The following CRTAC1 variants were observed in gnomAD, a reference collection of about 807,000 sequenced individuals.
The protein encoded by CRTAC1 is cartilage acidic protein 1.
In CRTAC1, 37 loss-of-function variants were observed where a neutral mutation model predicts 67.8. That is an observed-to-expected ratio of 0.55 (90% CI 0.42 to 0.72). The LOEUF (loss-of-function observed/expected upper bound fraction) is 0.72. Ranked by LOEUF, CRTAC1 falls within the 30% of genes least tolerant of loss-of-function variation. The pLI is 0.00. For synonymous variants in CRTAC1, 348 were observed against 371.0 expected (o/e 0.94, Z 0.71); for missense variants, 780 against 931.6 (o/e 0.84, Z 2.12).
At position 97,895,808 on chromosome 10, in the gene CRTAC1, G is replaced by T; in HGVS notation, c.1317+77C>A. The T allele has an allele frequency of 8.0e-7, 1 of 1,254,318 alleles. No individual in the cohort carries two copies. Among genetic ancestry groups the T allele is most frequent in the Non-Finnish European group, 1.2e-6 (1 of 869,462 alleles). 77.7% of individuals were successfully genotyped at this position (1,254,318 alleles called of 1,614,324 possible). ...CCATGCTGGCCAAGCCAGCACCCCG[G>T]CACCTTGCCCTCACCAACTCAAGGT... On this transcript the variant is annotated intron_variant, in intron 10 of 14. Transcript: ENST00000370597. This position sits in a 1 kb window ranked among gnomAD's most constrained non-coding sequence, Gnocchi z 4.2.
intron 2 of CRTAC1, among the ~76,000 whole-genome samples, chr10:97,997,265 T>TA (rs936050118): frequency 1.3e-4 from 17 of 130,740 alleles, no homozygotes; most frequent in African/African-American, 4.2e-4. Flanking sequence ...ATAATAATAA[T>TA]AATAAATAAA....
chr10:97,901,580 G>A lies in CRTAC1; in HGVS notation c.1056C>T (p.Asp352=), dbSNP rs1473391190. 6.2e-7 allele frequency: 1 copy of A among 1,614,238 alleles called. No homozygotes were observed. The highest frequency in any genetic ancestry group is 8.5e-7 in the Non-Finnish European group (1 of 1,180,046). Residue 352 remains aspartate, a synonymous_variant, in exon 8 of 15, where the codon GAC becomes GAT. Coordinates refer to ENST00000370597, the MANE Select transcript of CRTAC1 (RefSeq NM_018058.7). ...TCTCCAGCTCCTGGTCATTGTCAAA[G>A]TCGGCGGTGATGACCGTGCGGACAG... The part of the protein sequence containing the change: ...PSPVRTVITA[D]FDNDQELEIF...
At chr10:97,898,639 A>G (rs1399728924) in intron 8 of CRTAC1, among the ~76,000 whole-genome samples, 1 of 152,178 alleles carries the variant, frequency 6.6e-6, no homozygotes, top group Non-Finnish European at 1.5e-5. Context: ...GGGAGCTTCT[A>G]GAAGGTTTTC....
At chr10:98,013,361 C>G (rs1325467881) in intron 1 of CRTAC1, among the ~76,000 whole-genome samples, 43 of 152,306 alleles carry the variant, frequency 2.8e-4, no homozygotes, top group Non-Finnish European at 2.9e-5. Flanking sequence ...TAATATGAGC[C>G]TAAAAGTTCT....
At position 97,968,602 on chromosome 10, in the gene CRTAC1, G is replaced by C. The variant is rs147149036; in HGVS notation, c.225-32236C>G. Among the ~76,000 whole-genome samples, 960 of 152,324 alleles carry C rather than the reference G, an allele frequency of 6.3e-3. 13 individuals are homozygous for C. Among genetic ancestry groups the C allele is most frequent in the African/African-American group, 0.021 (885 of 41,568 alleles). On this transcript the variant is annotated intron_variant, in intron 2 of 14. Coordinates refer to ENST00000370597, the MANE Select transcript of CRTAC1 (RefSeq NM_018058.7). Reference sequence around the variant, plus strand: ...GTCGGGGTAAATGGGGCAGGCCAGAGTCTGAGAAGGAAATAAGGAATTGAC... The same window carrying C: ...GTCGGGGTAAATGGGGCAGGCCAGACTCTGAGAAGGAAATAAGGAATTGAC...
At chr10:97,913,606 C>T (rs1196091954) in intron 5 of CRTAC1, among the ~76,000 whole-genome samples, 1 of 151,170 alleles carries the variant, frequency 6.6e-6, no homozygotes, top group East Asian at 1.9e-4. Context: ...CGCAATGTTC[C>T]CCCCGATACT....
At chr10:98,006,153 A>G (rs1192036419) in intron 2 of CRTAC1, among the ~76,000 whole-genome samples, 4 of 152,216 alleles carry the variant, frequency 2.6e-5, no homozygotes, top group Admixed American at 1.3e-4. Context: ...AAGCTGCTCT[A>G]AAGGAATTGT....
At chr10:97,942,707 C>T (rs904412337) in intron 2 of CRTAC1, among the ~76,000 whole-genome samples, 1 of 151,042 alleles carries the variant, frequency 6.6e-6, no homozygotes, top group African/African-American at 2.4e-5. Context: ...AGAAAATATG[C>T]TATCTGTTTG....
chr10:97,868,984 A>T (rs369201622), intron 14 of CRTAC1: 1 of 152,332 alleles, frequency 6.6e-6, no homozygotes, highest in East Asian at 1.9e-4. Flanking sequence ...CCCATTTTAC[A>T]TATGGGGAAA....
intron 2 of CRTAC1, 51 bp downstream of exon 2, chr10:98,011,087 T>C (rs374227533): frequency 1.3e-6 from 2 of 1,539,494 alleles, no homozygotes; most frequent in East Asian, 2.2e-5. Flanking sequence ...ACAGCCTTAT[T>C]ACAGCAAAAT....
At chr10:97,916,425 G>A (rs571551962) in intron 5 of CRTAC1, among the ~76,000 whole-genome samples, 217 of 152,316 alleles carry the variant, frequency 1.4e-3, no homozygotes, top group Non-Finnish European at 2.6e-3. Flanking sequence ...AACTTTGTAA[G>A]ACAGGTCAAC....
rs1310013677 is a variant in CRTAC1 at position 98,030,423 on chromosome 10, TG to T, written c.24+25del. The stretch of plus-strand genomic sequence containing the variant: ...TGGAGAAACTTTCTCCGCCTTAGGG[TG>T]GGGGGCACCGGTGCAGATACTCACG... On this transcript the variant is annotated intron_variant, in intron 1 of 14. Coordinates refer to ENST00000370597, the MANE Select transcript of CRTAC1 (RefSeq NM_018058.7). The surrounding 1 kb of genome is among the most constrained non-coding windows in gnomAD (Gnocchi z 4.2). 8.1e-7 allele frequency: 1 copy of T among 1,240,802 alleles called. No individual in the cohort carries two copies. Among genetic ancestry groups the T allele is most frequent in the Non-Finnish European group, 1.0e-6 (1 of 981,220 alleles). 76.9% of individuals were successfully genotyped at this position (1,240,802 alleles called of 1,614,324 possible). A position where few individuals can be genotyped will look rare whatever the true frequency, so the allele number is the denominator to read the frequency against.
At position 98,030,429 on chromosome 10, in the gene CRTAC1, G is replaced by A; in HGVS notation, c.24+20C>T. On this transcript the variant is annotated intron_variant, in intron 1 of 14. Coordinates refer to ENST00000370597, the MANE Select transcript of CRTAC1 (RefSeq NM_018058.7). The surrounding 1 kb of genome is among the most constrained non-coding windows in gnomAD (Gnocchi z 4.2). Reference sequence around the variant, plus strand: ...AACTTTCTCCGCCTTAGGGTGGGGGGCACCGGTGCAGATACTCACGCCGGG... The same window carrying A: ...AACTTTCTCCGCCTTAGGGTGGGGGACACCGGTGCAGATACTCACGCCGGG... The A allele has an allele frequency of 1.6e-6, 2 of 1,246,204 alleles. No individual in the cohort carries two copies. The allele number at this position is 1,246,204 out of a possible 1,614,324, so 77.2% of individuals were successfully genotyped here.
rs758678526 is a variant in CRTAC1 at position 97,917,642 on chromosome 10, G to A, written c.573C>T (p.Tyr191=). The change falls in exon 5 of 15, where the codon TAC becomes TAT. Residue 191 remains tyrosine, a synonymous_variant. Coordinates refer to ENST00000370597, the MANE Select transcript of CRTAC1 (RefSeq NM_018058.7). The part of the protein sequence containing the change: ...ACVDRKGSGR[Y]SIYIANYAYG... The stretch of plus-strand genomic sequence containing the variant: ...AGGCGTAATTGGCAATGTAGATAGA[G>A]TAGCGTCCAGAGCCCTGAGGAAGAA... 8.0e-5 allele frequency: 127 copies of A among 1,578,170 alleles called. No individual in the cohort carries two copies. The highest frequency in any genetic ancestry group is 1.1e-4 in the Non-Finnish European group (125 of 1,157,682).
At chr10:97,922,226 A>T (rs1458113511) in intron 4 of CRTAC1, among the ~76,000 whole-genome samples, 2 of 152,296 alleles carry the variant, frequency 1.3e-5, no homozygotes, top group East Asian at 3.9e-4. Flanking sequence ...GGTGGCACAG[A>T]TTCAGGTCAG....
chr10:97,950,617 G>T (rs982901779), intron 2 of CRTAC1, among the ~76,000 whole-genome samples: 1 of 152,226 alleles, frequency 6.6e-6, no homozygotes, highest in Non-Finnish European at 1.5e-5. Flanking sequence ...GAACAGACAG[G>T]ACTTGCCTGG....
At chr10:97,935,030 CA>C (rs2051064494) in intron 3 of CRTAC1, among the ~76,000 whole-genome samples, 1 of 152,144 alleles carries the variant, frequency 6.6e-6, no homozygotes, top group African/African-American at 2.4e-5. Flanking sequence ...GCACAGCCCC[CA>C]AATCATGAGA....
intron 2 of CRTAC1, among the ~76,000 whole-genome samples, chr10:97,991,099 C>CAAAAAAAAAAAAAAAAAAAAAAAAAAA (rs757267901): frequency 5.6e-5 from 1 of 17,980 alleles, no homozygotes; most frequent in Admixed American, 6.1e-4. Context: ...ACCATCTCTA[C>CAAAAAAAAAAAAAAAAAAAAAAAAAAA]AAAAAAAAAA....
chr10:97,892,206 C>A (rs905597210), intron 11 of CRTAC1, among the ~76,000 whole-genome samples: 1 of 152,306 alleles, frequency 6.6e-6, no homozygotes, highest in Middle Eastern at 3.4e-3. Flanking sequence ...ATTCTCCTGG[C>A]AGGGCAGATT....
Sources: allele counts gnomAD v4.1 joint callset (sites outside exome capture counted in the v4.1 genomes callset), GRCh38; gene constraint gnomAD v4.1.1; non-coding constraint Gnocchi (gnomAD v3.1); transcripts MANE v1.5; gene names NCBI Gene and HGNC (gene_info 2026-07-23, HGNC 2026-07-21).